Variants in NAV1 observed in about 807,000 individuals in gnomAD.
NAV1 encodes neuron navigator 1, also known as pore membrane and/or filament interacting like protein 3.
Under a neutral mutation model 175.2 loss-of-function variants are expected in NAV1, and 18 were observed. That is an observed-to-expected ratio of 0.10 (90% CI 0.07 to 0.15). The LOEUF (loss-of-function observed/expected upper bound fraction) is 0.15, where lower values mean the gene tolerates loss of function less well. NAV1 is among the 10% of genes least tolerant of loss of function. The probability of loss-of-function intolerance (pLI) is 1.00; values close to 1 mark genes in which losing one functional copy is unlikely to be tolerated. For synonymous variants in NAV1, 897 were observed against 978.7 expected, an observed-to-expected ratio of 0.92 and a Z score of 1.56; for missense variants, 1,731 against 2,436.6, an observed-to-expected ratio of 0.71 and a Z score of 6.10.
intron 15 of NAV1, 150 bp from the exon 20 acceptor site, chr1:201,803,443 T>C: frequency 1.4e-6 from 1 of 721,660 alleles, no homozygotes; most frequent in South Asian, 2.0e-5. Context: ...TCAATAAATG[T>C]TTGCTGAATG....
chr1:201,607,870 T>TTGTGTGTGTGTGTGTGTGTG (rs57110688), intron 2 of NAV1, among the ~76,000 whole-genome samples: 3 of 138,190 alleles, frequency 2.2e-5, no homozygotes, highest in Non-Finnish European at 3.1e-5. Context: ...GATAACTTTA[T>TTGTGTGTGTGTGTGTGTGTG]TGTGTGTGTG....
At chr1:201,570,382 C>T (rs1571826199) in intron 1 of NAV1, among the ~76,000 whole-genome samples, 1 of 152,250 alleles carries the variant, frequency 6.6e-6, no homozygotes, top group African/African-American at 2.4e-5. Flanking sequence ...GTCACCACCC[C>T]CAACCCTTGC....
At chr1:201,548,221 G>A (rs11577209) in intron 1 of NAV1, among the ~76,000 whole-genome samples, 98,859 of 152,154 alleles carry the variant, frequency 0.65, 32,724 homozygotes, top group Middle Eastern at 0.75. Flanking sequence ...TTTACTGATA[G>A]TCTTTATGCA....
At position 201,629,345 on chromosome 1, in the gene NAV1, A is replaced by T. The variant is rs376866304; in HGVS notation, c.-100-59A>T. On this transcript the variant is annotated intron_variant, in intron 1 of 29. Transcript: ENST00000367302. The stretch of plus-strand genomic sequence containing the variant: ...TAAGAGGGTTTTCTTAGCCCCATGG[A>T]GGGGCTTAGAGACCAGGACATCTCT... 3.4e-4 allele frequency: 393 copies of T among 1,162,078 alleles called. No individual in the cohort carries two copies. The African/African-American group carries it at 5.5e-3, about 16-fold the overall frequency. 72.0% of individuals were successfully genotyped at this position (1,162,078 alleles called of 1,614,324 possible). A position where few individuals can be genotyped will look rare whatever the true frequency, so the allele number is the denominator to read the frequency against.
intron 2 of NAV1, among the ~76,000 whole-genome samples, chr1:201,615,262 T>G (rs917422464): frequency 7.6e-6 from 1 of 130,812 alleles, no homozygotes. Context: ...TTTCTTTCTT[T>G]CTTTCTTTTT....
chr1:201,772,696 C>A (rs1352227032), intron 3 of NAV1, among the ~76,000 whole-genome samples: 1 of 152,162 alleles, frequency 6.6e-6, no homozygotes, highest in Non-Finnish European at 1.5e-5. Context: ...TGGATAGCCA[C>A]TTATTTTGAA....
In NAV1 at chr1:201,810,185, T is replaced by C; in HGVS notation, c.4561+80T>C. 1.3e-6 allele frequency: 2 copies of C among 1,543,948 alleles called. No homozygotes were observed. The highest frequency in any genetic ancestry group is 1.8e-6 in the Non-Finnish European group (2 of 1,132,592). On this transcript the variant is annotated intron_variant, in intron 23 of 29. Transcript: ENST00000367296. This position sits in a 1 kb window ranked among gnomAD's most constrained non-coding sequence, Gnocchi z 6.0. ...CATCAAATAATCCATCATGCATTCA[T>C]TCACCAAGAACTCACTGAGAAGGTA...
intron 1 of NAV1, among the ~76,000 whole-genome samples, chr1:201,583,420 T>C (rs533587754): frequency 6.6e-6 from 1 of 152,358 alleles, no homozygotes; most frequent in African/African-American, 2.4e-5. Flanking sequence ...TCCCATTATC[T>C]GTAGACTCTG....
intron 3 of NAV1, among the ~76,000 whole-genome samples, chr1:201,731,964 C>G (rs570026777): frequency 6.6e-6 from 1 of 152,228 alleles, no homozygotes; most frequent in Non-Finnish European, 1.5e-5. Flanking sequence ...CTCTGATCTT[C>G]CCTGTTTTCT....
Position 201,628,589 on chromosome 1 carries a change from C to T in NAV1, c.-100-815C>T, listed in dbSNP as rs867477114. ...GTTCCATGGCCCAGCCCTTCAATTT[C>T]CCCTCCTGCCTGCACAGCCCTCCCC... is the stretch of plus-strand genomic sequence containing the variant. On this transcript the variant is annotated intron_variant, in intron 1 of 29. Transcript: ENST00000367302. 5.6e-4 allele frequency among the ~76,000 whole-genome samples: 86 copies of T among 152,288 alleles called. 1 individual carries two copies. The highest frequency in any genetic ancestry group is 6.8e-3 in the Middle Eastern group (2 of 294).
At chr1:201,819,262 T>C (rs184540443) in intron 29 of NAV1, among the ~76,000 whole-genome samples, 18 of 152,292 alleles carry the variant, frequency 1.2e-4, no homozygotes, top group Admixed American at 1.0e-3. Context: ...GCAGAAGTGG[T>C]CTCATTCTTT....
At chr1:201,794,598 T>C in intron 15 of NAV1, 21 bp downstream of exon 19, 2 of 1,591,026 alleles carry the variant, frequency 1.3e-6, no homozygotes, top group Non-Finnish European at 1.7e-6. Flanking sequence ...CAGCCACAGA[T>C]TGAGAGGGAA....
chr1:201,751,922 C>T (rs868716780), intron 3 of NAV1, among the ~76,000 whole-genome samples: 39 of 152,198 alleles, frequency 2.6e-4, no homozygotes, highest in Middle Eastern at 3.4e-3. Flanking sequence ...TCTTTTCGTT[C>T]TTTTTTTGTT....
In NAV1 at chr1:201,812,323, C is replaced by T. The variant is rs576231618; in HGVS notation, c.5025-142C>T. ...ACCCCAGGGCTGCTGCTCTGAGTTC[C>T]GATGTCCCCACTATTACTTGAAAAG... On this transcript the variant is annotated intron_variant, in intron 26 of 29. Transcript: ENST00000367296. The surrounding 1 kb of genome is among the most constrained non-coding windows in gnomAD (Gnocchi z 4.6). 45 of 800,746 alleles carry T rather than the reference C, an allele frequency of 5.6e-5. No individual in the cohort carries two copies. The highest frequency in any genetic ancestry group is 3.7e-4 in the Middle Eastern group (1 of 2,680). The allele number at this position is 800,746 out of a possible 1,614,324, so 49.6% of individuals were successfully genotyped here. A position where few individuals can be genotyped will look rare whatever the true frequency, so the allele number is the denominator to read the frequency against.
rs1676899090 is a variant in NAV1 at position 201,788,336 on chromosome 1, C to T, written c.2996-132C>T. 6.6e-6 allele frequency: 6 copies of T among 910,056 alleles called. No individual in the cohort carries two copies. In the East Asian group the frequency reaches 1.5e-4, roughly 23 times the overall value. The allele number at this position is 910,056 out of a possible 1,614,324, so 56.4% of individuals were successfully genotyped here. A position where few individuals can be genotyped will look rare whatever the true frequency, so the allele number is the denominator to read the frequency against. On this transcript the variant is annotated intron_variant, in intron 9 of 29. Transcript: ENST00000367296. The surrounding 1 kb of genome is among the most constrained non-coding windows in gnomAD (Gnocchi z 5.7). ...CCCACCACCGCACCTGCCCCTTCCT[C>T]TCCTGCCCTCTCCCCATTTGCCTCT...
At chr1:201,608,519 G>A (rs964686289) in intron 2 of NAV1, among the ~76,000 whole-genome samples, 1 of 152,220 alleles carries the variant, frequency 6.6e-6, no homozygotes, top group Non-Finnish European at 1.5e-5. Flanking sequence ...GTGAGGCACC[G>A]AGTACAGGCA....
chr1:201,684,544 G>A (rs1423657617), intron 1 of NAV1, among the ~76,000 whole-genome samples: 5 of 143,920 alleles, frequency 3.5e-5, no homozygotes, highest in Admixed American at 7.2e-5. Flanking sequence ...GCTTGATCTC[G>A]GCTCACTGCA....
chr1:201,734,254 T>C (rs1454503015), intron 3 of NAV1, among the ~76,000 whole-genome samples: 1 of 151,594 alleles, frequency 6.6e-6, no homozygotes, highest in East Asian at 1.9e-4. Context: ...CAAAAAATTT[T>C]AAAATTAGCT....
chr1:201,623,294 C>T lies in NAV1; in HGVS notation c.-413C>T, dbSNP rs758669767. ...AAGAAGAAAAAAGCCCAGGAAGGGA[C>T]TCCAGTCTGCCAGACCCGGGGCAGA... On this transcript the variant is annotated 5_prime_UTR_variant, in exon 1 of 30. Transcript: ENST00000367302. The T allele has an allele frequency of 2.2e-5, 22 of 985,986 alleles. No individual in the cohort carries two copies. In the East Asian group the frequency reaches 1.6e-3, roughly 71 times the overall value. 61.1% of individuals were successfully genotyped at this position (985,986 alleles called of 1,614,324 possible).
Sources: gnomAD v4.1 joint callset for allele counts (sites outside exome capture counted in the v4.1 genomes callset) on GRCh38, gnomAD v4.1.1 for gene constraint, Gnocchi (gnomAD v3.1) non-coding constraint, MANE v1.5 for transcripts, NCBI Gene and HGNC (gene_info 2026-07-23, HGNC 2026-07-21) for gene names.